NSUN6: variants seen among roughly 807,000 people sequenced by gnomAD.
The protein encoded by NSUN6 is tRNA (cytosine(72)-C(5))-methyltransferase NSUN6.
A neutral mutation model predicts 58.0 loss-of-function variants in NSUN6; 64 were observed. The ratio of observed to expected loss-of-function variants is 1.10; its 90% confidence interval spans 0.90 to 1.36. The LOEUF is 1.36. Ranked by LOEUF, NSUN6 falls within the 40% of genes most tolerant of loss-of-function variation. The pLI is 0.00. For missense variants in NSUN6, 701 were observed against 550.1 expected (o/e 1.27, Z -2.74); for synonymous variants, 231 against 193.9 (o/e 1.19, Z -1.59).
chr10:18,569,876 C>CCTTCT (rs1359777367), intron 8 of NSUN6, among the ~76,000 whole-genome samples: 3 of 150,346 alleles, frequency 2.0e-5, no homozygotes, highest in African/African-American at 7.3e-5. Flanking sequence ...TTCCATTCTC[C>CCTTCT]ATTCCATTCC....
chr10:18,605,136 C>T (rs1409572369), intron 6 of NSUN6, among the ~76,000 whole-genome samples: 1 of 150,976 alleles, frequency 6.6e-6, no homozygotes, highest in Non-Finnish European at 1.5e-5. Context: ...CCGCCCGTCT[C>T]GGCCTCCCAA....
chr10:18,600,692 C>G (rs2057770241), intron 6 of NSUN6, among the ~76,000 whole-genome samples: 1 of 151,712 alleles, frequency 6.6e-6, no homozygotes, highest in South Asian at 2.1e-4. Flanking sequence ...CTTTGGGAGG[C>G]TGAGGCAGGT....
upstream of NSUN6, among the ~76,000 whole-genome samples, chr10:18,657,893 T>C (rs544831991): frequency 2.0e-5 from 3 of 151,954 alleles, no homozygotes; most frequent in South Asian, 4.2e-4. Context: ...ATTACAAGCA[T>C]GAGCCCCAGC....
intron 2 of NSUN6, among the ~76,000 whole-genome samples, chr10:18,644,753 T>C (rs1038919765): frequency 2.0e-5 from 3 of 149,168 alleles, no homozygotes; most frequent in African/African-American, 7.5e-5. Context: ...GGCAGGAGAA[T>C]GGCGTGAACC....
At chr10:18,572,853 CT>C (rs927081308) in intron 8 of NSUN6, among the ~76,000 whole-genome samples, 1 of 149,796 alleles carries the variant, frequency 6.7e-6, no homozygotes, top group Admixed American at 6.7e-5. Context: ...CCATTCCTTT[CT>C]GCATTTCATT....
intron 2 of NSUN6, among the ~76,000 whole-genome samples, chr10:18,646,362 C>A (rs1355941600): frequency 6.6e-6 from 1 of 152,146 alleles, no homozygotes; most frequent in African/African-American, 2.4e-5. Context: ...CACTTTCTTA[C>A]TAGAATCGGG....
At chr10:18,593,442 G>T (rs981232567) in intron 7 of NSUN6, among the ~76,000 whole-genome samples, 2 of 152,112 alleles carry the variant, frequency 1.3e-5, no homozygotes, top group Admixed American at 6.6e-5. Context: ...CAATAGCAAA[G>T]ACTTGGAACC....
intron 8 of NSUN6, among the ~76,000 whole-genome samples, chr10:18,570,217 A>C (rs1334358436): frequency 6.9e-6 from 1 of 145,562 alleles, no homozygotes; most frequent in Admixed American, 6.9e-5. Context: ...TGTCCATCCC[A>C]TTCCATTGCA....
rs778815503 is a variant in NSUN6 at position 18,614,589 on chromosome 10, G to T, written c.446C>A (p.Ser149Tyr). ...TTTTCCTTTAATATCAGAGTATACA[G>T]AAATAACATCTCCAGCTTTCATAAC... Reference protein sequence around the residue: ...SQFMKAGDVISVYSDIKGKCK... With the variant: ...SQFMKAGDVIYVYSDIKGKCK... The change falls in exon 5 of 11, where the codon TCT becomes TAT. Residue 149 changes from serine to tyrosine, a missense_variant. Transcript: ENST00000377304. The T allele has an allele frequency of 4.1e-6, 6 of 1,450,832 alleles. No individual in the cohort carries two copies. Among genetic ancestry groups the T allele is most frequent in the Non-Finnish European group, 3.7e-6 (4 of 1,074,668 alleles). The allele number at this position is 1,450,832 out of a possible 1,614,324, so 89.9% of individuals were successfully genotyped here.
At chr10:18,658,951 A>T (rs1321585544), upstream of NSUN6, among the ~76,000 whole-genome samples, 4 of 152,200 alleles carry the variant, frequency 2.6e-5, no homozygotes, top group Middle Eastern at 3.2e-3. Flanking sequence ...AACCCCTAGC[A>T]CGCCTGCCTA....
intron 3 of NSUN6, among the ~76,000 whole-genome samples, chr10:18,637,326 C>A (rs555511195): frequency 1.2e-4 from 19 of 152,286 alleles, no homozygotes; most frequent in African/African-American, 4.6e-4. Flanking sequence ...TCAAGCTTCC[C>A]TGCAATAGCT....
In NSUN6 at chr10:18,565,983, TTCCCCATTCCATTACAA is replaced by T. The variant is rs1293265199; in HGVS notation, c.923-14029_923-14013del. Among the ~76,000 whole-genome samples the T allele has an allele frequency of 3.8e-5, 5 of 131,200 alleles. No individual in the cohort carries two copies. In the East Asian group the frequency reaches 8.3e-4, roughly 22 times the overall value. The allele number at this position is 131,200 out of a possible 152,430, so 86.1% of individuals were successfully genotyped here. A position where few individuals can be genotyped will look rare whatever the true frequency, so the allele number is the denominator to read the frequency against. On this transcript the variant is annotated intron_variant, in intron 8 of 10. Transcript: ENST00000377304. Reference sequence around the variant, plus strand: ...TTCCATTCTCTTCCATTCCATACCATTCCCCATTCCATTACAATCCCCATTCCATTCTCTATTCCATT... The same window carrying T: ...TTCCATTCTCTTCCATTCCATACCATTCCCCATTCCATTCTCTATTCCATT...
At chr10:18,589,405 G>A (rs10764600) in intron 7 of NSUN6, among the ~76,000 whole-genome samples, 53,000 of 151,894 alleles carry the variant, frequency 0.35, 9,835 homozygotes, top group East Asian at 0.74. Flanking sequence ...TTCAAATTCA[G>A]AAAGTACAGG....
intron 8 of NSUN6, among the ~76,000 whole-genome samples, chr10:18,573,046 T>C (rs1448799189): frequency 1.3e-5 from 2 of 150,644 alleles, no homozygotes; most frequent in African/African-American, 4.9e-5. Flanking sequence ...CATTCCATTC[T>C]CCATTCTCTT....
At chr10:18,602,029 G>T (rs1024749381) in intron 6 of NSUN6, among the ~76,000 whole-genome samples, 1 of 151,810 alleles carries the variant, frequency 6.6e-6, no homozygotes, top group African/African-American at 2.4e-5. Context: ...GTGGCTTTGT[G>T]AGACAGGTAA....
At chr10:18,606,664 T>C (rs962300869) in intron 6 of NSUN6, among the ~76,000 whole-genome samples, 1 of 152,184 alleles carries the variant, frequency 6.6e-6, no homozygotes, top group African/African-American at 2.4e-5. Flanking sequence ...GAAATGACTG[T>C]CTTTGCAAAT....
At position 18,555,894 on chromosome 10, in the gene NSUN6, AGAATGGAATGGAGAATGGAATG is replaced by A. The variant is rs1318518173; in HGVS notation, c.923-3945_923-3924del. Among the ~76,000 whole-genome samples, 450 of 132,450 alleles carry A rather than the reference AGAATGGAATGGAGAATGGAATG, an allele frequency of 3.4e-3. 1 individual carries two copies. Among genetic ancestry groups the A allele is most frequent in the Non-Finnish European group, 4.8e-3 (298 of 62,524 alleles). The allele number at this position is 132,450 out of a possible 152,430, so 86.9% of individuals were successfully genotyped here. A position where few individuals can be genotyped will look rare whatever the true frequency, so the allele number is the denominator to read the frequency against. On this transcript the variant is annotated intron_variant, in intron 8 of 10. Coordinates refer to ENST00000377304, the MANE Select transcript of NSUN6 (RefSeq NM_182543.5). ...TGGAGAATGAACTGGAATGGAGAATAGAATGGAATGGAGAATGGAATGGAATGGAATGGAATGGAGAATGGAA... is the reference window on the plus strand; with the variant it reads ...TGGAGAATGAACTGGAATGGAGAATAGAATGGAATGGAATGGAGAATGGAA...
At chr10:18,589,767 A>T (rs537751685) in intron 7 of NSUN6, among the ~76,000 whole-genome samples, 1 of 152,172 alleles carries the variant, frequency 6.6e-6, no homozygotes, top group Non-Finnish European at 1.5e-5. Context: ...AGCACTAAAT[A>T]TGGAAAGGAA....
At chr10:18,614,795 C>T (rs1393667220) in intron 4 of NSUN6, among the ~76,000 whole-genome samples, 182 bp from the exon 5 acceptor site, 1 of 152,036 alleles carries the variant, frequency 6.6e-6, no homozygotes, top group African/African-American at 2.4e-5. Context: ...TATTCCATAA[C>T]AATAAAACTC....
Sources: gnomAD v4.1 joint callset for allele counts (sites outside exome capture counted in the v4.1 genomes callset) on GRCh38, gnomAD v4.1.1 for gene constraint, MANE v1.5 for transcripts, NCBI Gene and HGNC (gene_info 2026-07-23, HGNC 2026-07-21) for gene names.